The following LTBP1 variants were observed in gnomAD, a reference collection of about 807,000 sequenced individuals.
LTBP1 encodes latent-transforming growth factor beta-binding protein 1.
Under a neutral mutation model 207.6 loss-of-function variants are expected in LTBP1, and 129 were observed. That is an observed-to-expected ratio of 0.62 (90% CI 0.54 to 0.72). The LOEUF (loss-of-function observed/expected upper bound fraction) is 0.72, where lower values mean the gene tolerates loss of function less well. Ranked by LOEUF, LTBP1 falls within the 30% of genes least tolerant of loss-of-function variation. LTBP1 has a pLI of 0.00. For missense variants in LTBP1, 2,281 were observed against 2,217.2 expected, an observed-to-expected ratio of 1.03 and a Z score of -0.58; for synonymous variants, 963 against 833.7, an observed-to-expected ratio of 1.16 and a Z score of -2.67.
intron 9 of LTBP1, among the ~76,000 whole-genome samples, chr2:33,228,892 G>C (rs893010395): frequency 1.6e-4 from 24 of 151,084 alleles, no homozygotes; most frequent in African/African-American, 5.6e-4. Context: ...GTAGAGACAG[G>C]GTTTCACCAT....
At chr2:33,343,721 C>T (rs1273379206) in intron 25 of LTBP1, among the ~76,000 whole-genome samples, 2 of 152,138 alleles carry the variant, frequency 1.3e-5, no homozygotes, top group Non-Finnish European at 2.9e-5. Flanking sequence ...CAGTCTGTTC[C>T]GGGATTGACA....
chr2:33,383,245 C>T (rs1268202105), intron 31 of LTBP1, among the ~76,000 whole-genome samples: 4 of 152,072 alleles, frequency 2.6e-5, no homozygotes, highest in Non-Finnish European at 5.9e-5. Flanking sequence ...CCCAGCTACT[C>T]GGGAGGCTGA....
At chr2:33,377,096 TTAAAA>T (rs2095150181) in intron 31 of LTBP1, among the ~76,000 whole-genome samples, 1 of 152,206 alleles carries the variant, frequency 6.6e-6, no homozygotes, top group African/African-American at 2.4e-5. Flanking sequence ...GTGAGAATAG[TTAAAA>T]TAAAATTTTT....
intron 2 of LTBP1, among the ~76,000 whole-genome samples, chr2:32,961,940 C>T (rs1215402343): frequency 3.7e-5 from 5 of 134,538 alleles, no homozygotes; most frequent in South Asian, 5.0e-4. Context: ...AGTGAAACTC[C>T]GTCTCAAAAA....
intron 2 of LTBP1, among the ~76,000 whole-genome samples, chr2:33,015,938 A>G (rs1688316080): frequency 6.6e-6 from 1 of 152,188 alleles, no homozygotes; most frequent in South Asian, 2.1e-4. Flanking sequence ...CATGGATGGG[A>G]TGGTGCTAAC....
chr2:33,118,442 C>G (rs368622879), intron 4 of LTBP1, among the ~76,000 whole-genome samples: 2 of 152,196 alleles, frequency 1.3e-5, no homozygotes, highest in African/African-American at 4.8e-5. Flanking sequence ...TCCTTAAGCT[C>G]CTTGTCCCAT....
intron 7 of LTBP1, among the ~76,000 whole-genome samples, chr2:33,197,967 A>C (rs2088766063): frequency 6.6e-6 from 1 of 152,206 alleles, no homozygotes; most frequent in Non-Finnish European, 1.5e-5. Flanking sequence ...GAGTTAATTA[A>C]AAAGCAGGTA....
At chr2:33,387,187 T>A (rs1333137822) in intron 31 of LTBP1, among the ~76,000 whole-genome samples, 1 of 152,182 alleles carries the variant, frequency 6.6e-6, no homozygotes, top group East Asian at 1.9e-4. Context: ...GGCTTCAATA[T>A]AAAATATGGA....
At chr2:33,263,243 A>G (rs770978986) in intron 14 of LTBP1, 51 bp from the exon 15 acceptor site, 56 of 1,052,214 alleles carry the variant, frequency 5.3e-5, no homozygotes, top group Non-Finnish European at 7.6e-5. Flanking sequence ...TGGGATCTCA[A>G]TGCACATAAC....
chr2:33,343,295 C>G (rs2094655027), intron 25 of LTBP1, among the ~76,000 whole-genome samples: 1 of 150,942 alleles, frequency 6.6e-6, no homozygotes, highest in Non-Finnish European at 1.5e-5. Context: ...CCTGTAGTCC[C>G]AACTACTTGG....
chr2:33,127,564 C>A (rs1321241323), intron 4 of LTBP1, among the ~76,000 whole-genome samples: 3 of 152,168 alleles, frequency 2.0e-5, no homozygotes, highest in Admixed American at 2.0e-4. Flanking sequence ...TTACCACATT[C>A]TCTCTTCCAG....
intron 3 of LTBP1, among the ~76,000 whole-genome samples, chr2:33,059,837 A>G (rs962554846): frequency 1.3e-5 from 2 of 152,244 alleles, no homozygotes; most frequent in African/African-American, 4.8e-5. Flanking sequence ...TGAATGTCTG[A>G]GAAAAAAACC....
chr2:33,252,983 A>G, intron 11 of LTBP1, 139 bp downstream of exon 11: 1 of 641,504 alleles, frequency 1.6e-6, no homozygotes, highest in Non-Finnish European at 2.4e-6. Flanking sequence ...ACCTTTGTAG[A>G]AACTGTACAC....
At chr2:33,177,013 T>C (rs2086131616) in intron 5 of LTBP1, among the ~76,000 whole-genome samples, 1 of 152,196 alleles carries the variant, frequency 6.6e-6, no homozygotes, top group South Asian at 2.1e-4. Flanking sequence ...GATACAATTA[T>C]TTTTCTCATT....
At chr2:33,201,634 TA>T (rs201476419) in intron 7 of LTBP1, among the ~76,000 whole-genome samples, 21 of 126,996 alleles carry the variant, frequency 1.7e-4, no homozygotes, top group East Asian at 4.9e-4. Context: ...ATAATGATAA[TA>T]AAAAAAAAGA....
chr2:33,029,077 C>T (rs2075566453), intron 3 of LTBP1, among the ~76,000 whole-genome samples: 1 of 152,190 alleles, frequency 6.6e-6, no homozygotes, highest in African/African-American at 2.4e-5. Context: ...AGAGATCATA[C>T]AGTTCTAGAG....
intron 4 of LTBP1, among the ~76,000 whole-genome samples, chr2:33,124,044 C>G (rs1158907389): frequency 6.6e-6 from 1 of 152,124 alleles, no homozygotes; most frequent in African/African-American, 2.4e-5. Context: ...ACTTTTAACA[C>G]AATAACATGT....
chr2:32,959,611 A>ATT (rs1558438493), intron 2 of LTBP1, among the ~76,000 whole-genome samples: 44 of 30,264 alleles, frequency 1.5e-3, no homozygotes, highest in Non-Finnish European at 3.0e-3. Context: ...ATATATATAT[A>ATT]TATATATATA....
At chr2:32,996,041 G>A (rs1017969165) in intron 2 of LTBP1, among the ~76,000 whole-genome samples, 1 of 151,970 alleles carries the variant, frequency 6.6e-6, no homozygotes, top group African/African-American at 2.4e-5. Flanking sequence ...TCCTATATAC[G>A]TATCGATATA....
Sources: allele counts gnomAD v4.1 joint callset (sites outside exome capture counted in the v4.1 genomes callset), GRCh38; gene constraint gnomAD v4.1.1; transcripts MANE v1.5; gene names NCBI Gene and HGNC (gene_info 2026-07-23, HGNC 2026-07-21).